Variants in NMNAT3 observed in about 807,000 individuals in gnomAD.
NMNAT3 encodes nicotinamide nucleotide adenylyltransferase 3.
A neutral mutation model predicts 24.8 loss-of-function variants in NMNAT3; 21 were observed. The ratio of observed to expected loss-of-function variants is 0.85; its 90% CI spans 0.60 to 1.22. The LOEUF (loss-of-function observed/expected upper bound fraction) is 1.22. Among genes scored for constraint, NMNAT3 ranks in the 50% most tolerant of loss-of-function variants. The pLI, the probability that NMNAT3 is intolerant of heterozygous loss-of-function variation, is 0.00. For missense variants in NMNAT3, 387 were observed against 436.6 expected (o/e 0.89, Z 1.01); for synonymous variants, 136 against 155.2 (o/e 0.88, Z 0.92).
chr3:139,591,168 G>T (rs1428670241), intron 3 of NMNAT3, among the ~76,000 whole-genome samples: 1 of 151,256 alleles, frequency 6.6e-6, no homozygotes, highest in African/African-American at 2.4e-5. Context: ...AAGCGCAAGG[G>T]GTCAGGGAGT....
intron 1 of NMNAT3, among the ~76,000 whole-genome samples, chr3:139,659,912 G>A (rs1374586628): frequency 5.3e-5 from 8 of 152,200 alleles, no homozygotes; most frequent in South Asian, 4.1e-4. Context: ...AGAAATGCAC[G>A]TTTTTAGATC....
intron 3 of NMNAT3, among the ~76,000 whole-genome samples, chr3:139,594,895 C>T (rs992978529): frequency 9.2e-5 from 14 of 152,256 alleles, no homozygotes; most frequent in East Asian, 7.7e-4. Context: ...CCTTTGAAAA[C>T]GGGCACAAGA....
rs1392969884 is a variant in NMNAT3, at chr3:139,573,626, A to G, written c.630T>C (p.His210=). Residue 210 remains histidine, a synonymous_variant, in exon 6 of 7, where the codon CAT becomes CAC. Transcript: ENST00000643695. The stretch of plus-strand genomic sequence containing the variant: ...CAGGGGTCGAGAAGAGTGCCTTGCC[A>G]TGGTCTGGGCCTTCCATCTGGGGTG... 1 of 1,604,644 alleles carries G rather than the reference A, an allele frequency of 6.2e-7. No homozygotes were observed. Among genetic ancestry groups the G allele is most frequent in the Non-Finnish European group, 8.5e-7 (1 of 1,176,502 alleles).
rs1048644569 is a variant in NMNAT3, at chr3:139,566,844, G to A, written c.659-5452C>T. ...TGGCTTAGGATTGACTTGGCAATGC[G>A]GGCTCTTTTTTGGTTCCATATGAAC... On this transcript the variant is annotated intron_variant, in intron 6 of 6. Transcript: ENST00000643695. The A allele has an allele frequency of 7.4e-4, 113 of 152,228 alleles. 2 individuals are homozygous for A. The highest frequency in any genetic ancestry group is 2.6e-3 in the African/African-American group (107 of 41,538). 9.4% of individuals were successfully genotyped at this position (152,228 alleles called of 1,614,324 possible).
intron 3 of NMNAT3, among the ~76,000 whole-genome samples, chr3:139,588,835 A>C (rs1479892388): frequency 6.6e-6 from 1 of 152,194 alleles, no homozygotes; most frequent in African/African-American, 2.4e-5. Context: ...CATCTTTAAG[A>C]CAGAAGGATT....
At position 139,560,444 on chromosome 3, in the gene NMNAT3, G is replaced by C. The variant is rs138125313; in HGVS notation, c.*566C>G. 2 of 152,780 alleles carry C rather than the reference G, an allele frequency of 1.3e-5. No homozygotes were observed. Among genetic ancestry groups the C allele is most frequent in the Admixed American group, 1.3e-4 (2 of 15,296 alleles). 9.5% of individuals were successfully genotyped at this position (152,780 alleles called of 1,614,324 possible). On this transcript the variant is annotated 3_prime_UTR_variant, in exon 7 of 7. Transcript: ENST00000643695. ...AATTTTATGAAAAGCTGGTTAGGCA[G>C]GCAGACAATGGTTTCTAAGGCAAGA...
chr3:139,664,880 T>C (rs186568728), intron 1 of NMNAT3, among the ~76,000 whole-genome samples: 1 of 152,178 alleles, frequency 6.6e-6, no homozygotes, highest in Non-Finnish European at 1.5e-5. Flanking sequence ...GCAAAAACAA[T>C]AAGAGTCTGA....
chr3:139,606,840 A>T (rs1217552562), intron 3 of NMNAT3, among the ~76,000 whole-genome samples: 1 of 152,058 alleles, frequency 6.6e-6, no homozygotes, highest in South Asian at 2.1e-4. Flanking sequence ...CCTTCTCATT[A>T]TGTATTTTGT....
chr3:139,599,037 G>A (rs1253586522), intron 3 of NMNAT3: 6 of 402,638 alleles, frequency 1.5e-5, no homozygotes, highest in Non-Finnish European at 2.2e-5. Flanking sequence ...CAGCAAGACT[G>A]GGCCTCAATA....
intron 6 of NMNAT3, among the ~76,000 whole-genome samples, chr3:139,562,661 A>G (rs1936582815): frequency 6.6e-6 from 1 of 152,190 alleles, no homozygotes; most frequent in South Asian, 2.1e-4. Flanking sequence ...AAAGCACTGG[A>G]GCAACTGTGG....
intron 1 of NMNAT3, among the ~76,000 whole-genome samples, chr3:139,669,876 G>C (rs2057703457): frequency 6.6e-6 from 1 of 152,142 alleles, no homozygotes; most frequent in African/African-American, 2.4e-5. Context: ...AGCTACAAGA[G>C]AGGAAAAAAC....
chr3:139,583,229 TAAATGTTTGC>T, intron 3 of NMNAT3: 2 of 1,211,784 alleles, frequency 1.7e-6, no homozygotes, highest in South Asian at 2.5e-5. Context: ...AGAAAACGTG[TAAATGTTTGC>T]AAATTCAGGT....
rs150792269 is a variant in NMNAT3, at chr3:139,633,645, T to C, written c.-41+4318A>G. ...GGAATTGAGATGCTGGGGAAGATAG[T>C]GAATACTGTGTCAGGCACAAGGCAC... On this transcript the variant is annotated intron_variant, in intron 2 of 6. Coordinates refer to ENST00000643695, the MANE Select transcript of NMNAT3 (RefSeq NM_001320510.2). 1.2e-3 allele frequency among the ~76,000 whole-genome samples: 179 copies of C among 152,124 alleles called. 1 individual carries two copies. Among genetic ancestry groups the C allele is most frequent in the African/African-American group, 4.2e-3 (173 of 41,492 alleles).
chr3:139,651,682 T>A (rs2057060174), intron 1 of NMNAT3, among the ~76,000 whole-genome samples: 1 of 152,228 alleles, frequency 6.6e-6, no homozygotes, highest in African/African-American at 2.4e-5. Context: ...TGTGCAGAGC[T>A]GGCAGGTCTG....
Position 139,652,733 on chromosome 3 carries a change from A to G in NMNAT3, c.-140-14671T>C, listed in dbSNP as rs1225010865. ...CCACTTTAATTTTGAAAGCAAAAGCAAACAGATGTCCTGCAGCCTCTTCCC... is the reference window on the plus strand; with the variant it reads ...CCACTTTAATTTTGAAAGCAAAAGCGAACAGATGTCCTGCAGCCTCTTCCC... On this transcript the variant is annotated intron_variant, in intron 1 of 6. Transcript: ENST00000643695. 2.0e-5 allele frequency among the ~76,000 whole-genome samples: 3 copies of G among 152,366 alleles called. No homozygotes were observed. The East Asian group carries it at 5.8e-4, about 29-fold the overall frequency.
chr3:139,579,999 T>A (rs963885941), intron 4 of NMNAT3, among the ~76,000 whole-genome samples: 2 of 152,222 alleles, frequency 1.3e-5, no homozygotes, highest in Admixed American at 6.5e-5. Context: ...ACCTTTCTTG[T>A]GTACTGGTGG....
chr3:139,587,952 T>G (rs923738120), intron 3 of NMNAT3, among the ~76,000 whole-genome samples: 15 of 152,206 alleles, frequency 9.9e-5, no homozygotes, highest in Admixed American at 2.0e-4. Flanking sequence ...GATACCCAGG[T>G]GTCACCTGTG....
chr3:139,600,268 A>T (rs2054651504), intron 3 of NMNAT3, among the ~76,000 whole-genome samples: 1 of 151,508 alleles, frequency 6.6e-6, no homozygotes, highest in African/African-American at 2.4e-5. Context: ...GCAATATTTC[A>T]TAGGGTTTAA....
At chr3:139,594,910 G>A (rs2054375598) in intron 3 of NMNAT3, among the ~76,000 whole-genome samples, 1 of 152,182 alleles carries the variant, frequency 6.6e-6, no homozygotes, top group Admixed American at 6.5e-5. Flanking sequence ...ACAAGACAGG[G>A]ATGCCCTCTC....
Sources: gnomAD v4.1 joint callset for allele counts (sites outside exome capture counted in the v4.1 genomes callset) on GRCh38, gnomAD v4.1.1 for gene constraint, MANE v1.5 for transcripts, NCBI Gene and HGNC (gene_info 2026-07-23, HGNC 2026-07-21) for gene names.